SNX31: variants seen among roughly 807,000 people sequenced by gnomAD.
The protein encoded by SNX31 is sorting nexin-31.
A neutral mutation model predicts 65.4 loss-of-function variants in SNX31; 58 were observed. The observed-to-expected ratio is 0.89, with a 90% CI of 0.72 to 1.10. The LOEUF is 1.10. SNX31 is among the 50% of genes least tolerant of loss of function. SNX31 has a pLI of 0.00. For missense variants in SNX31, 523 were observed against 529.7 expected, an observed-to-expected ratio of 0.99 and a Z score of 0.12; for synonymous variants, 181 against 190.1, an observed-to-expected ratio of 0.95 and a Z score of 0.39.
At chr8:100,649,979 G>T (rs1408376532), upstream of SNX31, among the ~76,000 whole-genome samples, 1 of 152,216 alleles carries the variant, frequency 6.6e-6, no homozygotes, top group East Asian at 1.9e-4. Flanking sequence ...TTTGTTAAAT[G>T]TAACACAAGA....
intron 3 of SNX31, among the ~76,000 whole-genome samples, chr8:100,632,299 G>A (rs193132287): frequency 3.3e-5 from 5 of 152,200 alleles, no homozygotes; most frequent in East Asian, 1.9e-4. Flanking sequence ...GCTAAGACAC[G>A]AGAAAACAAA....
intron 11 of SNX31, among the ~76,000 whole-genome samples, chr8:100,587,266 T>C (rs535660485): frequency 6.6e-6 from 1 of 152,314 alleles, no homozygotes; most frequent in Non-Finnish European, 1.5e-5. Context: ...AAACTTTTGC[T>C]TTCCAGATAA....
In SNX31 at chr8:100,622,386, C is replaced by T. The variant is rs984308695; in HGVS notation, c.322-4656G>A. Among the ~76,000 whole-genome samples the T allele has an allele frequency of 7.9e-5, 12 of 152,230 alleles. No individual in the cohort carries two copies. In the South Asian group the frequency reaches 1.7e-3, roughly 21 times the overall value. Reference sequence around the variant, plus strand: ...GGCATTTTCCAGGTGTGGTGGCTCACGCCTGGAATCCCAGCACTTTGGGAC... The same window carrying T: ...GGCATTTTCCAGGTGTGGTGGCTCATGCCTGGAATCCCAGCACTTTGGGAC... On this transcript the variant is annotated intron_variant, in intron 4 of 13. Coordinates refer to ENST00000311812, the MANE Select transcript of SNX31 (RefSeq NM_152628.4). The surrounding 1 kb of genome is among the most constrained non-coding windows in gnomAD (Gnocchi z 5.0).
At chr8:100,596,409 G>A (rs1340236132) in intron 10 of SNX31, among the ~76,000 whole-genome samples, 2 of 152,058 alleles carry the variant, frequency 1.3e-5, no homozygotes, top group Non-Finnish European at 2.9e-5. Context: ...GCAGTAGGGA[G>A]GCCTGTTGTT....
At chr8:100,577,129 A>C in intron 12 of SNX31, 54 bp from the exon 13 acceptor site, 1 of 1,464,956 alleles carries the variant, frequency 6.8e-7, no homozygotes, top group Non-Finnish European at 9.5e-7. Context: ...CAAGCACACA[A>C]ACAATCTATT....
chr8:100,637,312 T>C (rs1287664670), intron 2 of SNX31, among the ~76,000 whole-genome samples: 2 of 152,286 alleles, frequency 1.3e-5, no homozygotes, highest in Non-Finnish European at 2.9e-5. Flanking sequence ...AGGAAACCAC[T>C]CAGAAACCCA....
At chr8:100,638,347 C>T (rs13249123) in intron 2 of SNX31, among the ~76,000 whole-genome samples, 70,336 of 152,032 alleles carry the variant, frequency 0.46, 16,463 homozygotes, top group South Asian at 0.53. Flanking sequence ...AATTCAATCT[C>T]CAGTCTTGCT....
At chr8:100,579,133 T>A (rs747765354) in intron 12 of SNX31, among the ~76,000 whole-genome samples, 1 of 152,134 alleles carries the variant, frequency 6.6e-6, no homozygotes, top group Non-Finnish European at 1.5e-5. Context: ...TACATTAGGG[T>A]CCATAAATAG....
At chr8:100,633,245 T>C (rs752224559) in intron 3 of SNX31, among the ~76,000 whole-genome samples, 3 of 152,070 alleles carry the variant, frequency 2.0e-5, no homozygotes, top group Non-Finnish European at 4.4e-5. Context: ...TTGGTGAAGT[T>C]TGAATAAGGT....
At chr8:100,635,141 A>C (rs1041325592) in intron 3 of SNX31, among the ~76,000 whole-genome samples, 1 of 151,574 alleles carries the variant, frequency 6.6e-6, no homozygotes, top group African/African-American at 2.4e-5. Context: ...TAATTCTAAC[A>C]CTTTAGGAAG....
chr8:100,651,938 A>T (rs924928071), upstream of SNX31, among the ~76,000 whole-genome samples: 47 of 152,112 alleles, frequency 3.1e-4, no homozygotes, highest in Non-Finnish European at 2.1e-4. Context: ...TGCCTGGGGA[A>T]ATCTGTACCA....
At chr8:100,651,996 T>G (rs1587110936), upstream of SNX31, among the ~76,000 whole-genome samples, 1 of 147,288 alleles carries the variant, frequency 6.8e-6, no homozygotes, top group Admixed American at 6.8e-5. Context: ...TTTTTTTTTT[T>G]GAAACAGTGT....
chr8:100,602,847 T>A (rs1219156256), intron 8 of SNX31, among the ~76,000 whole-genome samples: 17 of 152,214 alleles, frequency 1.1e-4, no homozygotes. Context: ...ATTGTTTATT[T>A]CTGAAATTTT....
At chr8:100,642,400 A>G (rs1005179073) in intron 2 of SNX31, among the ~76,000 whole-genome samples, 1 of 152,194 alleles carries the variant, frequency 6.6e-6, no homozygotes, top group African/African-American at 2.4e-5. Context: ...CCTTGAATCA[A>G]CAGGGCTGCC....
In SNX31 at chr8:100,626,795, GTTT is replaced by G. The variant is rs1818071031; in HGVS notation, c.321+3529_321+3531del. Among the ~76,000 whole-genome samples the G allele has an allele frequency of 6.6e-6, 1 of 152,124 alleles. No individual in the cohort carries two copies. The highest frequency in any genetic ancestry group is 2.4e-5 in the African/African-American group (1 of 41,418). Reference sequence around the variant, plus strand: ...AAGCAGATGAAAATAAAAAGAAGGTGTTTCTGAATGAAGACCTCAAAGAATAGA... The same window carrying G: ...AAGCAGATGAAAATAAAAAGAAGGTGCTGAATGAAGACCTCAAAGAATAGA... On this transcript the variant is annotated intron_variant, in intron 4 of 13. Coordinates refer to ENST00000311812, the MANE Select transcript of SNX31 (RefSeq NM_152628.4). The surrounding 1 kb of genome is among the most constrained non-coding windows in gnomAD (Gnocchi z 4.4).
rs1817964705 is a variant in SNX31 at position 100,625,153 on chromosome 8, G to C, written c.321+5174C>G. Among the ~76,000 whole-genome samples, 2 of 152,020 alleles carry C rather than the reference G, an allele frequency of 1.3e-5. No homozygotes were observed. Among genetic ancestry groups the C allele is most frequent in the African/African-American group, 4.8e-5 (2 of 41,404 alleles). Reference sequence around the variant, plus strand: ...TATAATGCAGCAGGAATGAAAAAATGCAATTCATACTAGAAAACTAACAAA... The same window carrying C: ...TATAATGCAGCAGGAATGAAAAAATCCAATTCATACTAGAAAACTAACAAA... On this transcript the variant is annotated intron_variant, in intron 4 of 13. Coordinates refer to ENST00000311812, the MANE Select transcript of SNX31 (RefSeq NM_152628.4). This position sits in a 1 kb window ranked among gnomAD's most constrained non-coding sequence, Gnocchi z 4.2.
rs1816489566 is a variant in SNX31 at position 100,609,262 on chromosome 8, G to C, written c.612-699C>G. 1.3e-5 allele frequency among the ~76,000 whole-genome samples: 2 copies of C among 152,112 alleles called. No individual in the cohort carries two copies. Among genetic ancestry groups the C allele is most frequent in the African/African-American group, 4.8e-5 (2 of 41,416 alleles). On this transcript the variant is annotated intron_variant, in intron 7 of 13. Coordinates refer to ENST00000311812, the MANE Select transcript of SNX31 (RefSeq NM_152628.4). The surrounding 1 kb of genome is among the most constrained non-coding windows in gnomAD (Gnocchi z 4.9). ...CCCTCACCAGTCTCCTCCCCTGACTGATTGGCCTTTCTTTGCAAGCCTTAT... is the reference window on the plus strand; with the variant it reads ...CCCTCACCAGTCTCCTCCCCTGACTCATTGGCCTTTCTTTGCAAGCCTTAT...
chr8:100,581,419 GC>G (rs1322289104), intron 12 of SNX31, among the ~76,000 whole-genome samples: 4 of 149,736 alleles, frequency 2.7e-5, no homozygotes, highest in African/African-American at 9.9e-5. Context: ...TAGTGCATTT[GC>G]TTGACCCAAA....
At chr8:100,602,637 G>A (rs75431563) in intron 8 of SNX31, among the ~76,000 whole-genome samples, 6,642 of 152,040 alleles carry the variant, frequency 0.044, 492 homozygotes, top group African/African-American at 0.15. Flanking sequence ...TGCACTTTAG[G>A]GCCATTATTA....
Sources: allele counts gnomAD v4.1 joint callset (sites outside exome capture counted in the v4.1 genomes callset), GRCh38; gene constraint gnomAD v4.1.1; non-coding constraint Gnocchi (gnomAD v3.1); transcripts MANE v1.5; gene names NCBI Gene and HGNC (gene_info 2026-07-23, HGNC 2026-07-21).